PCNP: variants seen among roughly 807,000 people sequenced by gnomAD.
PCNP encodes the protein PEST proteolytic signal-containing nuclear protein.
PCNP carries 6 observed loss-of-function variants against 21.8 expected under a neutral mutation model. The ratio of observed to expected loss-of-function variants is 0.28; its 90% CI spans 0.15 to 0.54. PCNP has a LOEUF of 0.54. PCNP is among the 20% of genes least tolerant of loss of function. PCNP has a pLI of 0.95. For missense variants in PCNP, 161 were observed against 215.5 expected (o/e 0.75, Z 1.58); for synonymous variants, 67 against 73.2 (o/e 0.92, Z 0.43).
chr3:101,588,122 T>A (rs1935625859), intron 3 of PCNP, among the ~76,000 whole-genome samples: 1 of 152,062 alleles, frequency 6.6e-6, no homozygotes, highest in African/African-American at 2.4e-5. Flanking sequence ...ATACAAAAAA[T>A]TAGCTGGGCG....
intron 1 of PCNP, among the ~76,000 whole-genome samples, chr3:101,579,286 A>G (rs1263684212): frequency 2.6e-5 from 4 of 152,200 alleles, no homozygotes; most frequent in Non-Finnish European, 5.9e-5. Flanking sequence ...ACTCAAGGAA[A>G]TAACTGGGCT....
In PCNP at chr3:101,585,388, G is replaced by A. The variant is rs368114452; in HGVS notation, c.280-49G>A. 8 of 1,040,144 alleles carry A rather than the reference G, an allele frequency of 7.7e-6. No individual in the cohort carries two copies. In the African/African-American group the frequency reaches 1.1e-4, roughly 15 times the overall value. The allele number at this position is 1,040,144 out of a possible 1,614,324, so 64.4% of individuals were successfully genotyped here. On this transcript the variant is annotated intron_variant, in intron 2 of 4. Transcript: ENST00000265260. ...ATTATTCATATCATTAAACAAGCTT[G>A]TATAAATGTTATCTACATGATATTC...
chr3:101,575,960 C>T (rs554407076), intron 1 of PCNP, among the ~76,000 whole-genome samples: 2 of 152,072 alleles, frequency 1.3e-5, no homozygotes, highest in Non-Finnish European at 2.9e-5. Flanking sequence ...CCCTTAACTT[C>T]TACATAATTT....
At chr3:101,582,053 TA>T (rs1935252533) in intron 2 of PCNP, among the ~76,000 whole-genome samples, 1 of 151,120 alleles carries the variant, frequency 6.6e-6, no homozygotes, top group Admixed American at 6.6e-5. Context: ...TCTTTCTAAA[TA>T]ATTGACATGA....
chr3:101,582,067 C>T (rs1213751608), intron 2 of PCNP, among the ~76,000 whole-genome samples: 1 of 150,580 alleles, frequency 6.6e-6, no homozygotes, highest in Admixed American at 6.7e-5. Context: ...TGACATGATT[C>T]GTAATTTCTG....
In PCNP at chr3:101,579,892, A is replaced by G; in HGVS notation, c.167A>G (p.Glu56Gly). Reference protein sequence around the residue: ...SRSAEKRSAEEEAADLPTKPT... With the variant: ...SRSAEKRSAEGEAADLPTKPT... ...AGCGCTGAGAAGCGATCAGCTGAAG[A>G]AGAAGCTGCCGACCTCCCAACAAAG... Residue 56 changes from glutamate (E) to glycine (G), a missense_variant, in exon 2 of 5, where the codon GAA (glutamate) becomes GGA (glycine). Glu to Gly is a moderately conservative substitution (Grantham distance 98, BLOSUM62 -2). Around this residue, in one of 4 missense-constraint regions of PCNP, gnomAD observed 46 missense variants for 39.3 expected, o/e 1.17. Transcript: ENST00000265260. 6.2e-7 allele frequency: 1 copy of G among 1,614,042 alleles called. No homozygotes were observed.
intron 2 of PCNP, among the ~76,000 whole-genome samples, chr3:101,582,062 T>C (rs1935253342): frequency 3.3e-5 from 5 of 151,000 alleles, no homozygotes; most frequent in Admixed American, 3.3e-4. Context: ...ATAATTGACA[T>C]GATTCGTAAT....
chr3:101,591,780 T>G (rs1935824128), intron 4 of PCNP, among the ~76,000 whole-genome samples: 2 of 148,756 alleles, frequency 1.3e-5, no homozygotes, highest in African/African-American at 2.5e-5. Context: ...TTTTTTTTTT[T>G]TTTTTTTTTA....
At chr3:101,575,704 G>A (rs1053799596) in intron 1 of PCNP, among the ~76,000 whole-genome samples, 7 of 152,124 alleles carry the variant, frequency 4.6e-5, no homozygotes, top group East Asian at 1.9e-4. Context: ...AGGCCATCTC[G>A]TTAACTGTCT....
chr3:101,582,753 C>T (rs1473832298), intron 2 of PCNP, among the ~76,000 whole-genome samples: 2 of 152,174 alleles, frequency 1.3e-5, no homozygotes, highest in African/African-American at 2.4e-5. Flanking sequence ...GAAGAGTTTA[C>T]TGATGAAGTG....
At chr3:101,577,844 G>A (rs1404173670) in intron 1 of PCNP, among the ~76,000 whole-genome samples, 1 of 152,108 alleles carries the variant, frequency 6.6e-6, no homozygotes, top group African/African-American at 2.4e-5. Context: ...TTTTTTCAAA[G>A]TAAGGTACCT....
chr3:101,574,321 G>C, intron 1 of PCNP, 42 bp downstream of exon 1: 1 of 1,511,012 alleles, frequency 6.6e-7, no homozygotes, highest in Non-Finnish European at 8.9e-7. Flanking sequence ...GGGATGCTCC[G>C]GGCCTTTCTT....
intron 4 of PCNP, 83 bp from the exon 5 acceptor site, chr3:101,592,544 C>T (rs1935871023): frequency 1.8e-6 from 2 of 1,133,422 alleles, no homozygotes; most frequent in African/African-American, 3.2e-5. Flanking sequence ...AGGTGCTAAA[C>T]AAACATGTAT....
intron 4 of PCNP, among the ~76,000 whole-genome samples, chr3:101,591,328 T>C (rs74455698): frequency 0.14 from 21,634 of 152,200 alleles, 1,606 homozygotes; most frequent in South Asian, 0.2. Flanking sequence ...TGTCCCCATT[T>C]CTTCCAAATG....
rs1378283918 is a variant in PCNP at position 101,592,978 on chromosome 3, A to C, written c.*225A>C. 3.1e-6 allele frequency: 1 copy of C among 319,774 alleles called. No individual in the cohort carries two copies. Among genetic ancestry groups the C allele is most frequent in the Non-Finnish European group, 5.7e-6 (1 of 176,624 alleles). The allele number at this position is 319,774 out of a possible 1,614,324, so 19.8% of individuals were successfully genotyped here. A position where few individuals can be genotyped will look rare whatever the true frequency, so the allele number is the denominator to read the frequency against. ...GCTAATTTTGTAGTTTCATGTGATT[A>C]GTTTCCAAAGGTTACAGATAATAAA... On this transcript the variant is annotated 3_prime_UTR_variant, in exon 5 of 5. Coordinates refer to ENST00000265260, the MANE Select transcript of PCNP (RefSeq NM_020357.3).
At position 101,574,232 on chromosome 3, in the gene PCNP, C is replaced by T; in HGVS notation, c.17C>T (p.Ala6Val). 1.9e-6 allele frequency: 3 copies of T among 1,548,960 alleles called. No homozygotes were observed. Among genetic ancestry groups the T allele is most frequent in the Non-Finnish European group, 2.6e-6 (3 of 1,145,570 alleles). MADGK[A>V]GDEKPEKSQR... The stretch of plus-strand genomic sequence containing the variant: ...GCGGGGAAAATGGCGGACGGGAAGG[C>T]GGGAGACGAGAAGCCTGAAAAGTCG... The change falls in exon 1 of 5, where the codon GCG becomes GTG. Residue 6 changes from alanine to valine, a missense_variant. Transcript: ENST00000265260.
At chr3:101,586,234 G>A (rs13062677) in intron 3 of PCNP, among the ~76,000 whole-genome samples, 55,971 of 150,394 alleles carry the variant, frequency 0.37, 10,699 homozygotes, top group East Asian at 0.41. Flanking sequence ...ATCCCTAGGA[G>A]GGATAACAAT....
rs1935883877 is a variant in PCNP, at chr3:101,592,827, T to C, written c.*74T>C. ...CAGTTTCCTTTTTTAAAGAATGGTA[T>C]AAGACTATCTTTGGAGCCGCTTTTT... On this transcript the variant is annotated 3_prime_UTR_variant, in exon 5 of 5. Coordinates refer to ENST00000265260, the MANE Select transcript of PCNP (RefSeq NM_020357.3). The C allele has an allele frequency of 7.5e-7, 1 of 1,336,390 alleles. No individual in the cohort carries two copies. The highest frequency in any genetic ancestry group is 1.0e-6 in the Non-Finnish European group (1 of 997,620). The allele number at this position is 1,336,390 out of a possible 1,614,324, so 82.8% of individuals were successfully genotyped here.
chr3:101,575,256 A>G (rs541595170), intron 1 of PCNP, among the ~76,000 whole-genome samples: 3 of 152,324 alleles, frequency 2.0e-5, no homozygotes, highest in African/African-American at 4.8e-5. Context: ...CATTCCCGAA[A>G]TTATTTAATA....
Sources: allele counts gnomAD v4.1 joint callset (sites outside exome capture counted in the v4.1 genomes callset), GRCh38; gene constraint gnomAD v4.1.1; regional missense constraint gnomAD v4.1.1; transcripts MANE v1.5; gene names NCBI Gene and HGNC (gene_info 2026-07-23, HGNC 2026-07-21).